Variants in RAB33A observed in about 807,000 individuals in gnomAD.
The protein encoded by RAB33A is ras-related protein Rab-33A.
RAB33A carries 6 observed loss-of-function variants against 12.0 expected under a neutral mutation model. That is an observed-to-expected ratio of 0.50 (90% CI 0.27 to 0.99). RAB33A has a LOEUF of 0.99. Among genes scored for constraint, RAB33A ranks in the 50% least tolerant of loss-of-function variants. RAB33A has a pLI of 0.11. For synonymous variants in RAB33A, 70 were observed against 82.4 expected (o/e 0.85, Z 0.81); for missense variants, 109 against 192.0 (o/e 0.57, Z 2.55).
the RAB33A span, among the ~76,000 whole-genome samples, chrX:130,163,850 T>C: frequency 9.0e-6 from 1 of 111,000 alleles, no homozygotes; most frequent in East Asian, 2.8e-4. Context: ...GAAAGGCCAG[T>C]GTGGATGAAA....
At chrX:130,122,984 A>C in the RAB33A span, among the ~76,000 whole-genome samples, 1 of 111,659 alleles carries the variant, frequency 9.0e-6, no homozygotes, top group Non-Finnish European at 1.9e-5. Context: ...AAAAGCCATA[A>C]ACTAAAAACA....
the RAB33A span, among the ~76,000 whole-genome samples, chrX:130,128,832 C>T: frequency 8.9e-6 from 1 of 112,157 alleles, no homozygotes; most frequent in Non-Finnish European, 1.9e-5. Flanking sequence ...GGTCTCTGAA[C>T]TCAGATTTGT....
At chrX:130,159,349 GA>G in the RAB33A span, among the ~76,000 whole-genome samples, 13 of 112,197 alleles carry the variant, frequency 1.2e-4, no homozygotes, top group Non-Finnish European at 1.9e-5. Flanking sequence ...ATCACCACAT[GA>G]AATAAAATGG....
the RAB33A span, among the ~76,000 whole-genome samples, chrX:130,143,177 G>C: frequency 1.8e-5 from 2 of 111,323 alleles, no homozygotes; most frequent in Non-Finnish European, 3.8e-5. Flanking sequence ...TCCCTGGGAG[G>C]CTTCACCTAC....
At chrX:130,166,268 T>G in the RAB33A span, among the ~76,000 whole-genome samples, 2 of 110,796 alleles carry the variant, frequency 1.8e-5, no homozygotes, top group African/African-American at 6.5e-5. Context: ...TGTACTTCCA[T>G]CTTTTACCAG....
At chrX:130,169,404 C>A (rs2031581494), upstream of RAB33A, among the ~76,000 whole-genome samples, 1 of 111,117 alleles carries the variant, frequency 9.0e-6, no homozygotes, top group Non-Finnish European at 1.9e-5. Context: ...TAATCAGGTA[C>A]CTATGAAAAC....
chrX:130,118,679 T>C, the RAB33A span, among the ~76,000 whole-genome samples: 1 of 111,941 alleles, frequency 8.9e-6, no homozygotes, highest in African/African-American at 3.3e-5. Context: ...ACTCGGCGGC[T>C]GCTGCTGGTT....
In RAB33A at chrX:130,184,605, G is replaced by A. The variant is rs1170655651; in HGVS notation, c.579G>A (p.Ser193=). 5.8e-6 allele frequency: 7 copies of A among 1,211,537 alleles called. No homozygotes were observed. The highest frequency in any genetic ancestry group is 7.8e-6 in the Non-Finnish European group (7 of 895,469). ...CCAAAGAGAGCCAGAACGTGGAGTC[G>A]ATTTTCATGTGCTTGGCTTGCCGAT... ...KDPKESQNVE[S]IFMCLACRLK... is the part of the protein sequence containing the mutation. Residue 193 remains serine, a synonymous_variant, in exon 2 of 2, where the codon TCG becomes TCA. Coordinates refer to ENST00000257017, the MANE Select transcript of RAB33A (RefSeq NM_004794.3).
At chrX:130,150,571 G>A in the RAB33A span, among the ~76,000 whole-genome samples, 2 of 105,396 alleles carry the variant, frequency 1.9e-5, no homozygotes, top group Non-Finnish European at 3.9e-5. Flanking sequence ...TCCTGACCTC[G>A]TGATCTGCCC....
At chrX:130,127,909 C>T in the RAB33A span, among the ~76,000 whole-genome samples, 2 of 110,355 alleles carry the variant, frequency 1.8e-5, no homozygotes, top group African/African-American at 3.3e-5. Context: ...AGGATGGTCT[C>T]GAACTCCTGA....
the RAB33A span, among the ~76,000 whole-genome samples, chrX:130,161,403 C>T: frequency 0.021 from 2,157 of 105,084 alleles, 38 homozygotes; most frequent in Non-Finnish European, 0.031. Flanking sequence ...CCCAGCTACT[C>T]GGGAGGCTGA....
chrX:130,152,177 G>C, the RAB33A span, among the ~76,000 whole-genome samples: 1 of 111,720 alleles, frequency 9.0e-6, no homozygotes, highest in African/African-American at 3.2e-5. Context: ...GCTTACTCTG[G>C]TCAACATGAA....
the RAB33A span, among the ~76,000 whole-genome samples, chrX:130,160,771 G>A: frequency 0.013 from 1,392 of 110,118 alleles, 22 homozygotes; most frequent in African/African-American, 0.044. Flanking sequence ...GGGCAGGCGC[G>A]GTGGCTCACA....
At chrX:130,147,937 T>A in the RAB33A span, 1 of 1,195,809 alleles carries the variant, frequency 8.4e-7, no homozygotes, top group Non-Finnish European at 1.1e-6. Context: ...TCTTTGCCAC[T>A]GTTAAAAAAA....
intron 1 of RAB33A, among the ~76,000 whole-genome samples, chrX:130,175,880 T>G (rs1603234851): frequency 8.9e-6 from 1 of 111,778 alleles, no homozygotes; most frequent in East Asian, 2.8e-4. Context: ...TGTGATCCAG[T>G]GTCCTCCTCT....
the RAB33A span, among the ~76,000 whole-genome samples, chrX:130,144,120 G>A: frequency 8.9e-6 from 1 of 112,046 alleles, no homozygotes; most frequent in Non-Finnish European, 1.9e-5. Flanking sequence ...TTTAAGAACT[G>A]TGCTTACAAG....
chrX:130,128,103 G>A, the RAB33A span, among the ~76,000 whole-genome samples: 1 of 111,449 alleles, frequency 9.0e-6, no homozygotes, highest in African/African-American at 3.3e-5. Context: ...AATTCTTACG[G>A]TGGAGATTTG....
Position 130,184,787 on chromosome X carries a change from T to C in RAB33A, c.*47T>C. On this transcript the variant is annotated 3_prime_UTR_variant, in exon 2 of 2. Transcript: ENST00000257017. The stretch of plus-strand genomic sequence containing the variant: ...GATAAATTATCACTGGAGTTTTTTC[T>C]TTCCCTTTTTTCTGTGCCTGCATAA... The C allele has an allele frequency of 1.9e-5, 21 of 1,095,461 alleles. No homozygotes were observed. The highest frequency in any genetic ancestry group is 2.6e-5 in the Non-Finnish European group (21 of 809,304). The allele number at this position is 1,095,461 out of a possible 1,213,427, so 90.3% of individuals were successfully genotyped here. A position where few individuals can be genotyped will look rare whatever the true frequency, so the allele number is the denominator to read the frequency against.
chrX:130,182,157 A>AT (rs1556296420), intron 1 of RAB33A, among the ~76,000 whole-genome samples: 219 of 44,592 alleles, frequency 4.9e-3, no homozygotes, highest in South Asian at 0.013. Flanking sequence ...AAAAAAAAAA[A>AT]ATATATATAT....
Sources: gnomAD v4.1 joint callset for allele counts (sites outside exome capture counted in the v4.1 genomes callset) on GRCh38, gnomAD v4.1.1 for gene constraint, MANE v1.5 for transcripts, NCBI Gene and HGNC (gene_info 2026-07-23, HGNC 2026-07-21) for gene names.